Variants in MDP1 observed in about 807,000 individuals in gnomAD.
The protein encoded by MDP1 is magnesium-dependent phosphatase 1.
A neutral mutation model predicts 21.6 loss-of-function variants in MDP1; 18 were observed. The observed-to-expected ratio is 0.83, with a 90% confidence interval of 0.58 to 1.24. The LOEUF (loss-of-function observed/expected upper bound fraction) is 1.24, where lower values mean the gene tolerates loss of function less well. Among genes scored for constraint, MDP1 ranks in the 50% most tolerant of loss-of-function variants. The pLI, the probability that MDP1 is intolerant of heterozygous loss-of-function variation, is 0.00. For missense variants in MDP1, 207 were observed against 218.6 expected (o/e 0.95, Z 0.33); for synonymous variants, 101 against 83.2 (o/e 1.21, Z -1.16).
At chr14:24,215,081 C>CTTTTTTT (rs907932145) in intron 3 of MDP1, among the ~76,000 whole-genome samples, 1 of 111,286 alleles carries the variant, frequency 9.0e-6, no homozygotes, top group Non-Finnish European at 1.8e-5. Flanking sequence ...TCTGGCCCCA[C>CTTTTTTT]TTTTTTTTTT....
At position 24,216,029 on chromosome 14, in the gene MDP1, A is replaced by T; in HGVS notation, c.-74T>A. 6 of 1,594,218 alleles carry T rather than the reference A, an allele frequency of 3.8e-6. No individual in the cohort carries two copies. The highest frequency in any genetic ancestry group is 5.1e-6 in the Non-Finnish European group (6 of 1,167,490). On this transcript the variant is annotated 5_prime_UTR_variant, in exon 1 of 6. Coordinates refer to ENST00000288087, the MANE Select transcript of MDP1 (RefSeq NM_138476.4). ...CCTTAGAGAGTGCGGAACCTCCGGC[A>T]GCTAAGGCAGCCACCCTGCCTGCCA...
Position 24,214,109 on chromosome 14 carries a change from G to C in MDP1, c.446C>G (p.Thr149Ser). Residue 149 changes from threonine (T) to serine (S), a missense_variant, in exon 6 of 6, where the codon ACT becomes AGT. Thr to Ser is a moderately conservative substitution (Grantham distance 58, BLOSUM62 1). Transcript: ENST00000288087. ...IHIQNGMNLQTLSQGLETFAK... is the reference protein window; with the variant it reads ...IHIQNGMNLQSLSQGLETFAK... ...AAATGTCTCTAACCCTTGACTTAGAGTTTGAAGATTCATTCCATTCTGGAT... is the reference window on the plus strand; with the variant it reads ...AAATGTCTCTAACCCTTGACTTAGACTTTGAAGATTCATTCCATTCTGGAT... 6.2e-7 allele frequency: 1 copy of C among 1,613,706 alleles called. No homozygotes were observed. The highest frequency in any genetic ancestry group is 8.5e-7 in the Non-Finnish European group (1 of 1,179,838).
chr14:24,215,805 A>G lies in MDP1; in HGVS notation c.38-8T>C, dbSNP rs2039683252. On this transcript the variant is annotated splice_polypyrimidine_tract_variant and splice_region_variant and intron_variant, in intron 1 of 5. Transcript: ENST00000288087. ...AAGGCCAGAGAGTGTAATCTGCGAG[A>G]GGAAGGAGAGGGAAGGTTCAGCCTG... 1.2e-6 allele frequency: 2 copies of G among 1,614,174 alleles called. No individual in the cohort carries two copies. Among genetic ancestry groups the G allele is most frequent in the Non-Finnish European group, 1.7e-6 (2 of 1,180,040 alleles).
At chr14:24,214,712 G>A (rs1405503803) in intron 3 of MDP1, 113 bp from the exon 4 acceptor site, 10 of 1,150,046 alleles carry the variant, frequency 8.7e-6, no homozygotes, top group Non-Finnish European at 1.3e-5. Flanking sequence ...GTTTTTCCGG[G>A]ATGGACAGGC....
chr14:24,214,496 C>T lies in MDP1; in HGVS notation c.313G>A (p.Glu105Lys). The T allele has an allele frequency of 9.3e-6, 15 of 1,614,176 alleles. No homozygotes were observed. Among genetic ancestry groups the T allele is most frequent in the Non-Finnish European group, 1.2e-5 (14 of 1,180,038 alleles). Residue 105 changes from glutamate (E) to lysine (K), a missense_variant, in exon 4 of 6, where the codon GAG becomes AAG. Glu to Lys is a moderately conservative substitution (Grantham distance 56, BLOSUM62 1). Coordinates refer to ENST00000288087, the MANE Select transcript of MDP1 (RefSeq NM_138476.4). ...TCCTCCCTTATCTCCGCATACCTCTCAAAGTGTGTGATCTTGCTGCCTGGA... is the reference window on the plus strand; with the variant it reads ...TCCTCCCTTATCTCCGCATACCTCTTAAAGTGTGTGATCTTGCTGCCTGGA... ...IYPGSKITHFERLQQKTGIPF... is the reference protein window; with the variant it reads ...IYPGSKITHFKRLQQKTGIPF...
At chr14:24,215,240 C>A (rs1024010223) in intron 3 of MDP1, among the ~76,000 whole-genome samples, 1 of 151,962 alleles carries the variant, frequency 6.6e-6, no homozygotes, top group Non-Finnish European at 1.5e-5. Flanking sequence ...TGCGTGCCAC[C>A]ACGCCCTGCT....
intron 3 of MDP1, among the ~76,000 whole-genome samples, 181 bp downstream of exon 3, chr14:24,215,368 GCCA>G (rs985181773): frequency 1.3e-5 from 2 of 152,096 alleles, no homozygotes; most frequent in African/African-American, 4.8e-5. Flanking sequence ...ACAGACGTGA[GCCA>G]CCGCGCCCGC....
At chr14:24,215,524 A>C (rs773170560) in intron 3 of MDP1, 28 bp downstream of exon 3, 10 of 1,612,670 alleles carry the variant, frequency 6.2e-6, no homozygotes. Flanking sequence ...TCAGCATTAC[A>C]CTGTCAGTTG....
Position 24,214,577 on chromosome 14 carries a change from T to C in MDP1, c.232A>G (p.Asn78Asp), listed in dbSNP as rs1244186776. The change falls in exon 4 of 6, where the codon AAC (asparagine) becomes GAC (aspartate). Residue 78 changes from asparagine (N) to aspartate (D), a missense_variant. Asn to Asp is a conservative substitution (Grantham distance 23). Transcript: ENST00000288087. Reference sequence around the variant, plus strand: ...AGGTCAAAGAGCTCCAGTAGCTGGTTGGCCCCTTCTATCTCACTTGTCCTG... The same window carrying C: ...AGGTCAAAGAGCTCCAGTAGCTGGTCGGCCCCTTCTATCTCACTTGTCCTG... The part of the protein sequence containing the change: ...ASRTSEIEGA[N>D]QLLELFDLFR... The C allele has an allele frequency of 3.1e-6, 5 of 1,614,244 alleles. No individual in the cohort carries two copies. Among genetic ancestry groups the C allele is most frequent in the Non-Finnish European group, 4.2e-6 (5 of 1,180,050 alleles).
rs2039678269 is a variant in MDP1, at chr14:24,215,678, G to C, written c.99-16C>G. 1 of 1,614,066 alleles carries C rather than the reference G, an allele frequency of 6.2e-7. No individual in the cohort carries two copies. The highest frequency in any genetic ancestry group is 1.1e-5 in the South Asian group (1 of 91,088). ...AGTTCCATCACTGGAGAGGGCAAGA[G>C]TGCGCTCAGCCCTGGCTGGGTCCTA... is the stretch of plus-strand genomic sequence containing the variant. On this transcript the variant is annotated splice_polypyrimidine_tract_variant and intron_variant, in intron 2 of 5. Transcript: ENST00000288087.
chr14:24,215,903 C>T lies in MDP1; in HGVS notation c.37+16G>A, dbSNP rs559953323. ...AGGAGAGCACCTTACGAAATTCTCCCCTTCCCGTCCCTCACCCAAATCAAA... is the reference window on the plus strand; with the variant it reads ...AGGAGAGCACCTTACGAAATTCTCCTCTTCCCGTCCCTCACCCAAATCAAA... On this transcript the variant is annotated intron_variant, in intron 1 of 5. Transcript: ENST00000288087. The T allele has an allele frequency of 1.7e-5, 27 of 1,614,086 alleles. 1 individual carries two copies. The Middle Eastern group carries it at 4.9e-4, about 29-fold the overall frequency.
intron 4 of MDP1, 47 bp downstream of exon 4, chr14:24,214,445 G>T (rs374063034): frequency 1.3e-4 from 215 of 1,613,970 alleles, no homozygotes; most frequent in South Asian, 4.9e-4. Flanking sequence ...GGTTTCCCAG[G>T]CCTCTCTGAT....
In MDP1 at chr14:24,214,494, C is replaced by G. The variant is rs1422540755; in HGVS notation, c.315G>C (p.Glu105Asp). Residue 105 changes from glutamate to aspartate, a missense_variant and splice_region_variant, in exon 4 of 6, where the codon GAG (glutamate) becomes GAC (aspartate). Physicochemically the swap from Glu to Asp is conservative, Grantham distance 45 (BLOSUM62 2). Coordinates refer to ENST00000288087, the MANE Select transcript of MDP1 (RefSeq NM_138476.4). ...GCTCCTCCCTTATCTCCGCATACCT[C>G]TCAAAGTGTGTGATCTTGCTGCCTG... The part of the protein sequence containing the change: ...IYPGSKITHF[E>D]RLQQKTGIPF... 1 of 1,614,062 alleles carries G rather than the reference C, an allele frequency of 6.2e-7. No individual in the cohort carries two copies. The highest frequency in any genetic ancestry group is 2.2e-5 in the East Asian group (1 of 44,900).
Position 24,215,566 on chromosome 14 carries a change from A to G in MDP1, c.195T>C (p.Gly65=). The change falls in exon 3 of 6, where the codon GGT becomes GGC. Residue 65 remains glycine (G), a synonymous_variant. Transcript: ENST00000288087. ...LKRLQSLGVP[G]AAASRTSEIE... The stretch of plus-strand genomic sequence containing the variant: ...GCTCTTCTTACCTTGAAGCAGCCGC[A>G]CCGGGCACCCCAAGGCTCTGCAATC... The G allele has an allele frequency of 6.2e-7, 1 of 1,614,128 alleles. No individual in the cohort carries two copies. Among genetic ancestry groups the G allele is most frequent in the Non-Finnish European group, 8.5e-7 (1 of 1,180,024 alleles).
intron 3 of MDP1, among the ~76,000 whole-genome samples, chr14:24,215,243 G>T (rs186290545): frequency 1.3e-5 from 2 of 151,704 alleles, no homozygotes; most frequent in African/African-American, 4.8e-5. Flanking sequence ...GTGCCACCAC[G>T]CCCTGCTAAT....
At position 24,214,139 on chromosome 14, in the gene MDP1, A is replaced by G; in HGVS notation, c.416T>C (p.Ile139Thr). 5.6e-6 allele frequency: 9 copies of G among 1,612,294 alleles called. No individual in the cohort carries two copies. The highest frequency in any genetic ancestry group is 1.3e-5 in the African/African-American group (1 of 74,894). The change falls in exon 6 of 6, where the codon ATT (isoleucine) becomes ACT (threonine). Residue 139 changes from isoleucine to threonine, a missense_variant. Physicochemically the swap from Ile to Thr is moderately conservative, Grantham distance 89. Coordinates refer to ENST00000288087, the MANE Select transcript of MDP1 (RefSeq NM_138476.4). ...AAGATTCATTCCATTCTGGATGTGA[A>G]TGCAGGTAACACCTAGAAAGATAAG... ...VDVSKLGVTC[I>T]HIQNGMNLQT...
Position 24,214,095 on chromosome 14 carries a change from AC to A in MDP1, c.459del (p.Leu154Ter). 6.2e-7 allele frequency: 1 copy of A among 1,613,760 alleles called. No individual in the cohort carries two copies. Among genetic ancestry groups the A allele is most frequent in the East Asian group, 2.2e-5 (1 of 44,878 alleles). ...NGMNLQTLSQ[G>X]LETFAKAQTG... ...GTTTGGGCCTTCGCAAATGTCTCTA[AC>A]CCTTGACTTAGAGTTTGAAGATTCA... On this transcript the variant is annotated frameshift_variant, in exon 6 of 6. Coordinates refer to ENST00000288087, the MANE Select transcript of MDP1 (RefSeq NM_138476.4). LOFTEE classifies it low-confidence loss of function (END_TRUNC).
At chr14:24,215,875 A>C in intron 1 of MDP1, 44 bp downstream of exon 1, 1 of 1,614,152 alleles carries the variant, frequency 6.2e-7, no homozygotes, top group Non-Finnish European at 8.5e-7. Context: ...AGGGATGTGG[A>C]AAAGGAGAGC....
At chr14:24,215,081 CTTTTTTTT>C (rs907932145) in intron 3 of MDP1, among the ~76,000 whole-genome samples, 2 of 111,284 alleles carry the variant, frequency 1.8e-5, no homozygotes, top group African/African-American at 3.8e-5. Context: ...TCTGGCCCCA[CTTTTTTTT>C]TTTTTTTTTT....
Sources: allele counts gnomAD v4.1 joint callset (sites outside exome capture counted in the v4.1 genomes callset), GRCh38; gene constraint gnomAD v4.1.1; transcripts MANE v1.5; gene names NCBI Gene and HGNC (gene_info 2026-07-23, HGNC 2026-07-21).